CLEC12B: variants seen among roughly 807,000 people sequenced by gnomAD.
CLEC12B encodes the protein C-type lectin domain family 12 member B.
In CLEC12B, 25 loss-of-function variants were observed where a neutral mutation model predicts 36.1. The ratio of observed to expected loss-of-function variants is 0.69; its 90% CI spans 0.50 to 0.97. The LOEUF (loss-of-function observed/expected upper bound fraction) is 0.97, where lower values mean the gene tolerates loss of function less well. Among genes scored for constraint, CLEC12B ranks in the 50% least tolerant of loss-of-function variants. CLEC12B has a pLI of 0.00. For missense variants in CLEC12B, 325 were observed against 318.4 expected, an observed-to-expected ratio of 1.02 and a Z score of -0.16; for synonymous variants, 110 against 108.5, an observed-to-expected ratio of 1.01 and a Z score of -0.09.
intron 1 of CLEC12B, among the ~76,000 whole-genome samples, chr12:10,011,121 G>T (rs1050809007): frequency 1.3e-5 from 2 of 152,162 alleles, no homozygotes; most frequent in Non-Finnish European, 2.9e-5. Context: ...GGGAATTAGA[G>T]ATTTCTTCTT....
upstream of CLEC12B, among the ~76,000 whole-genome samples, chr12:10,008,958 A>T (rs1865263291): frequency 6.6e-6 from 1 of 152,306 alleles, no homozygotes; most frequent in East Asian, 1.9e-4. Flanking sequence ...CCTGTCTTAC[A>T]AGAGGATTGT....
upstream of CLEC12B, among the ~76,000 whole-genome samples, chr12:10,007,447 A>G (rs1865243715): frequency 6.6e-6 from 1 of 152,206 alleles, no homozygotes; most frequent in Admixed American, 6.5e-5. Context: ...TGAAAAGAAT[A>G]CTACCTCATA....
rs772047378 is a variant in CLEC12B at position 10,014,537 on chromosome 12, A to G, written c.205A>G (p.Asn69Asp). The change falls in exon 3 of 6, where the codon AAT becomes GAT. Residue 69 changes from asparagine to aspartate, a missense_variant. Transcript: ENST00000338896. ...TLGMMFLQISNDINSDSEKLS... is the reference protein window; with the variant it reads ...TLGMMFLQISDDINSDSEKLS... ...ATGTCTTGGAGTTTTGCAGATATCT[A>G]ATGACATTAACTCAGATTCAGAGAA... is the stretch of plus-strand genomic sequence containing the variant. 2.5e-6 allele frequency: 4 copies of G among 1,612,716 alleles called. No homozygotes were observed. The Admixed American group carries it at 5.0e-5, about 20-fold the overall frequency.
intron 1 of CLEC12B, among the ~76,000 whole-genome samples, chr12:10,011,375 T>C (rs1241321783): frequency 6.6e-6 from 1 of 152,228 alleles, no homozygotes; most frequent in Non-Finnish European, 1.5e-5. Flanking sequence ...ATTTGTAATG[T>C]TGAACCAGTA....
chr12:10,018,739 A>T lies in CLEC12B; in HGVS notation c.*258A>T, dbSNP rs1865548666. 1 of 385,178 alleles carries T rather than the reference A, an allele frequency of 2.6e-6. No homozygotes were observed. The highest frequency in any genetic ancestry group is 4.6e-5 in the Admixed American group (1 of 21,638). The allele number at this position is 385,178 out of a possible 1,614,324, so 23.9% of individuals were successfully genotyped here. A position where few individuals can be genotyped will look rare whatever the true frequency, so the allele number is the denominator to read the frequency against. The stretch of plus-strand genomic sequence containing the variant: ...TACTATGGCCCTATGATTGTCTCAG[A>T]ATCATTTCACTGAATTTCTTTGCTT... On this transcript the variant is annotated 3_prime_UTR_variant, in exon 6 of 6. Coordinates refer to ENST00000338896, the MANE Select transcript of CLEC12B (RefSeq NM_001129998.3).
upstream of CLEC12B, among the ~76,000 whole-genome samples, chr12:10,007,081 A>T (rs10400556): frequency 0.35 from 52,875 of 151,304 alleles, 9,565 homozygotes; most frequent in Middle Eastern, 0.38. Flanking sequence ...GAATAAAAAT[A>T]AAAAAAGAAA....
chr12:10,017,439 G>A, intron 5 of CLEC12B: 1 of 985,410 alleles, frequency 1.0e-6, no homozygotes, highest in Admixed American at 6.1e-5. Flanking sequence ...CTCCCAAAGG[G>A]ATTTTAATCA....
chr12:10,008,416 T>C (rs1865255539), upstream of CLEC12B, among the ~76,000 whole-genome samples: 1 of 152,144 alleles, frequency 6.6e-6, no homozygotes. Context: ...TGAGAGCCCA[T>C]AGTATTGGAA....
At chr12:10,009,003 G>C, upstream of CLEC12B, among the ~76,000 whole-genome samples, 1 of 152,200 alleles carries the variant, frequency 6.6e-6, no homozygotes, top group South Asian at 2.1e-4. Context: ...AAAACGCACC[G>C]ATCAGCGCTC....
chr12:10,017,257 T>C, intron 5 of CLEC12B: 1 of 985,364 alleles, frequency 1.0e-6, no homozygotes, highest in Admixed American at 6.1e-5. Flanking sequence ...TGCAGAGTAA[T>C]ACACAAACAA....
chr12:10,016,709 T>C (rs1865494477), intron 5 of CLEC12B: 1 of 185,172 alleles, frequency 5.4e-6, no homozygotes, highest in African/African-American at 2.4e-5. Flanking sequence ...AGATAGTGTG[T>C]AAAGATCAAA....
At chr12:10,009,512 A>C (rs1041006102), upstream of CLEC12B, among the ~76,000 whole-genome samples, 5 of 151,638 alleles carry the variant, frequency 3.3e-5, no homozygotes, top group Admixed American at 2.0e-4. Flanking sequence ...AGTTTTATTG[A>C]TATATGACTT....
chr12:10,010,697 G>C lies in CLEC12B; in HGVS notation c.-63G>C, dbSNP rs1005436245. On this transcript the variant is annotated 5_prime_UTR_variant, in exon 1 of 6. Transcript: ENST00000338896. ...CTCCCAGCCTTGAAAAACACATGCT[G>C]TTCCCAGGCCTCAAGATATTGAAAC... 3.6e-6 allele frequency: 4 copies of C among 1,098,374 alleles called. No homozygotes were observed. Among genetic ancestry groups the C allele is most frequent in the Non-Finnish European group, 5.4e-6 (4 of 736,888 alleles). 68.0% of individuals were successfully genotyped at this position (1,098,374 alleles called of 1,614,324 possible).
upstream of CLEC12B, among the ~76,000 whole-genome samples, chr12:10,006,988 G>A (rs1032398660): frequency 4.9e-4 from 75 of 151,976 alleles, 1 homozygote; most frequent in Non-Finnish European, 1.3e-4. Flanking sequence ...CTGGGAGGCG[G>A]AGCTTGCAGT....
intron 2 of CLEC12B, chr12:10,013,130 C>T: frequency 2.1e-6 from 1 of 473,342 alleles, no homozygotes; most frequent in Non-Finnish European, 3.7e-6. Context: ...CTCTTTGTTT[C>T]CAGTTATTCA....
Position 10,018,519 on chromosome 12 carries a change from G to T in CLEC12B, c.*38G>T. ...AAATTCTCCAAGAAGTAAGAGACTT[G>T]TGAGTAAGCTCATATGAGGAAAGAG... On this transcript the variant is annotated 3_prime_UTR_variant, in exon 6 of 6. Coordinates refer to ENST00000338896, the MANE Select transcript of CLEC12B (RefSeq NM_001129998.3). The T allele has an allele frequency of 6.6e-7, 1 of 1,524,086 alleles. No homozygotes were observed. The highest frequency in any genetic ancestry group is 8.9e-7 in the Non-Finnish European group (1 of 1,129,304). 94.4% of individuals were successfully genotyped at this position (1,524,086 alleles called of 1,614,324 possible). A position where few individuals can be genotyped will look rare whatever the true frequency, so the allele number is the denominator to read the frequency against.
rs202215509 is a variant in CLEC12B, at chr12:10,012,929, A to G, written c.190+46A>G. On this transcript the variant is annotated intron_variant, in intron 2 of 5. Coordinates refer to ENST00000338896, the MANE Select transcript of CLEC12B (RefSeq NM_001129998.3). ...CCCAACAAAGGCAACTAGAAAACAT[A>G]TTGTAAACCATGTACTTTCAGCTTG... is the stretch of plus-strand genomic sequence containing the variant. The G allele has an allele frequency of 2.2e-6, 3 of 1,340,668 alleles. No homozygotes were observed. The East Asian group carries it at 6.9e-5, about 31-fold the overall frequency. 83.0% of individuals were successfully genotyped at this position (1,340,668 alleles called of 1,614,324 possible). A position where few individuals can be genotyped will look rare whatever the true frequency, so the allele number is the denominator to read the frequency against.
Position 10,018,688 on chromosome 12 carries a change from T to C in CLEC12B, c.*207T>C, listed in dbSNP as rs1436141376. The stretch of plus-strand genomic sequence containing the variant: ...ATGTTATTATTCGGTCTTAAAATTA[T>C]ACCTGGGGACAAAGGGGAATAGCCA... On this transcript the variant is annotated 3_prime_UTR_variant, in exon 6 of 6. Transcript: ENST00000338896. 5.7e-6 allele frequency: 3 copies of C among 528,704 alleles called. No homozygotes were observed. Among genetic ancestry groups the C allele is most frequent in the Non-Finnish European group, 9.9e-6 (3 of 302,908 alleles). The allele number at this position is 528,704 out of a possible 1,614,324, so 32.8% of individuals were successfully genotyped here. A position where few individuals can be genotyped will look rare whatever the true frequency, so the allele number is the denominator to read the frequency against.
intron 5 of CLEC12B, chr12:10,015,994 A>G (rs118186444): frequency 6.4e-5 from 74 of 1,150,098 alleles, no homozygotes; most frequent in Admixed American, 3.4e-4. Flanking sequence ...GTATTTTATA[A>G]ATACTAACCC....
Sources: allele counts gnomAD v4.1 joint callset (sites outside exome capture counted in the v4.1 genomes callset), GRCh38; gene constraint gnomAD v4.1.1; transcripts MANE v1.5; gene names NCBI Gene and HGNC (gene_info 2026-07-23, HGNC 2026-07-21).